ARHGEF4: variants seen among roughly 807,000 people sequenced by gnomAD.
The protein encoded by ARHGEF4 is Rho guanine nucleotide exchange factor 4.
In ARHGEF4, 119 loss-of-function variants were observed where a neutral mutation model predicts 162.0. That is an observed-to-expected ratio of 0.73 (90% confidence interval 0.63 to 0.86). The LOEUF is 0.86. Among genes scored for constraint, ARHGEF4 ranks in the 40% least tolerant of loss-of-function variants. ARHGEF4 has a pLI of 0.00. For synonymous variants in ARHGEF4, 1,014 were observed against 979.9 expected (o/e 1.03, Z -0.65); for missense variants, 2,488 against 2,456.0 (o/e 1.01, Z -0.28).
intron 1 of ARHGEF4, among the ~76,000 whole-genome samples, chr2:130,904,025 G>A (rs1301504275): frequency 1.3e-5 from 2 of 152,160 alleles, no homozygotes; most frequent in Non-Finnish European, 2.9e-5. Flanking sequence ...TTTCCTTTGG[G>A]TAGATAACCT....
intron 4 of ARHGEF4, among the ~76,000 whole-genome samples, chr2:130,994,881 A>G (rs1175643356): frequency 6.6e-6 from 1 of 152,180 alleles, no homozygotes; most frequent in Non-Finnish European, 1.5e-5. Context: ...TCTGATTTCC[A>G]TTGCTTCTGT....
chr2:130,965,317 C>T (rs1370311597), intron 4 of ARHGEF4, among the ~76,000 whole-genome samples: 1 of 152,226 alleles, frequency 6.6e-6, no homozygotes, highest in Non-Finnish European at 1.5e-5. Flanking sequence ...TTGCAGTCAG[C>T]GAGTTTGGGA....
intron 1 of ARHGEF4, among the ~76,000 whole-genome samples, chr2:130,889,213 C>T (rs1679710502): frequency 6.6e-6 from 1 of 151,926 alleles, no homozygotes; most frequent in African/African-American, 2.4e-5. Flanking sequence ...AGTGAATAAA[C>T]TCCTTTACCT....
At position 130,904,501 on chromosome 2, in the gene ARHGEF4, C is replaced by T. The variant is rs371616654; in HGVS notation, c.40-9485C>T. ...AGTTGCCACCTGAAGAGAAAAAAGA[C>T]TCCATCCATTTGATATAACAGCTAG... On this transcript the variant is annotated intron_variant, in intron 1 of 13. Transcript: ENST00000409359. Among the ~76,000 whole-genome samples the T allele has an allele frequency of 4.0e-4, 61 of 152,220 alleles. 1 individual carries two copies. In the South Asian group the frequency reaches 0.012, roughly 30 times the overall value.
intron 1 of ARHGEF4, among the ~76,000 whole-genome samples, chr2:130,902,603 AG>A (rs112261400): frequency 1.3e-5 from 2 of 151,598 alleles, no homozygotes; most frequent in Non-Finnish European, 2.9e-5. Context: ...CAAAAATGAA[AG>A]GAAAGAAAAG....
At position 130,916,519 on chromosome 2, in the gene ARHGEF4, A is replaced by T. The variant is rs1397383342; in HGVS notation, c.2573A>T (p.Glu858Val). The part of the protein sequence containing the change: ...LHHGDASAWP[E>V]FVPQAAGDRT... The stretch of plus-strand genomic sequence containing the variant: ...CACGGGGACGCCAGCGCCTGGCCCG[A>T]GTTTGTCCCGCAGGCTGCAGGCGAC... Residue 858 changes from glutamate to valine, a missense_variant, in exon 2 of 14, where the codon GAG becomes GTG. Physicochemically the swap from Glu to Val is moderately radical, Grantham distance 121 (BLOSUM62 -2). Transcript: ENST00000409359. The T allele has an allele frequency of 5.2e-6, 8 of 1,549,170 alleles. No homozygotes were observed. The African/African-American group carries it at 1.1e-4, about 21-fold the overall frequency.
chr2:131,046,258 C>T lies in ARHGEF4; in HGVS notation c.*69C>T. 6.7e-7 allele frequency: 1 copy of T among 1,485,082 alleles called. No homozygotes were observed. The highest frequency in any genetic ancestry group is 1.2e-5 in the South Asian group (1 of 80,098). 92.0% of individuals were successfully genotyped at this position (1,485,082 alleles called of 1,614,324 possible). A position where few individuals can be genotyped will look rare whatever the true frequency, so the allele number is the denominator to read the frequency against. ...GGCCCCCAGTTTTTCTTCCCCGAGG[C>T]CCACTCGGCCTGGCCTTCCTCTGCC... On this transcript the variant is annotated 3_prime_UTR_variant, in exon 14 of 14. Transcript: ENST00000409359.
chr2:130,884,778 C>A (rs1416362491), intron 1 of ARHGEF4, among the ~76,000 whole-genome samples: 1 of 152,108 alleles, frequency 6.6e-6, no homozygotes, highest in African/African-American at 2.4e-5. Flanking sequence ...CCAGGGCCAG[C>A]AGAATGTTGC....
In ARHGEF4 at chr2:130,955,486, C is replaced by T. The variant is rs546639996; in HGVS notation, c.3985+8851C>T. Reference sequence around the variant, plus strand: ...GTTTTATTTTAGTGAAGTCTATTTCCCTTCCCGTGGGGTTAAGCTTCTGAT... The same window carrying T: ...GTTTTATTTTAGTGAAGTCTATTTCTCTTCCCGTGGGGTTAAGCTTCTGAT... On this transcript the variant is annotated intron_variant, in intron 4 of 13. Coordinates refer to ENST00000409359, the MANE Select transcript of ARHGEF4 (RefSeq NM_001367493.1). 2.8e-4 allele frequency among the ~76,000 whole-genome samples: 42 copies of T among 152,150 alleles called. 1 individual carries two copies. The highest frequency in any genetic ancestry group is 9.9e-4 in the African/African-American group (41 of 41,488).
intron 1 of ARHGEF4, among the ~76,000 whole-genome samples, chr2:130,895,419 C>T (rs796902563): frequency 7.2e-5 from 11 of 152,204 alleles, no homozygotes; most frequent in African/African-American, 2.2e-4. Flanking sequence ...ACATAGGTTT[C>T]ACTTTTTTGG....
intron 4 of ARHGEF4, among the ~76,000 whole-genome samples, chr2:131,025,447 G>C (rs1366581384): frequency 6.6e-6 from 1 of 152,142 alleles, no homozygotes; most frequent in African/African-American, 2.4e-5. Flanking sequence ...GACACATGTG[G>C]AGCTTTAACT....
In ARHGEF4 at chr2:131,046,943, T is replaced by TAAC. The variant is rs902886398; in HGVS notation, c.*760_*762dup. On this transcript the variant is annotated 3_prime_UTR_variant, in exon 14 of 14. Coordinates refer to ENST00000409359, the MANE Select transcript of ARHGEF4 (RefSeq NM_001367493.1). The stretch of plus-strand genomic sequence containing the variant: ...TTTGGATTTTGGCATCTTGTTTTTC[T>TAAC]AACAACAAACAATGGAGAAAAAGAA... 1 of 152,698 alleles carries TAAC rather than the reference T, an allele frequency of 6.5e-6. No individual in the cohort carries two copies. Among genetic ancestry groups the TAAC allele is most frequent in the Non-Finnish European group, 1.5e-5 (1 of 68,042 alleles). The allele number at this position is 152,698 out of a possible 1,614,324, so 9.5% of individuals were successfully genotyped here. A position where few individuals can be genotyped will look rare whatever the true frequency, so the allele number is the denominator to read the frequency against.
At chr2:131,045,912 T>C in intron 13 of ARHGEF4, 126 bp from the exon 14 acceptor site, 1 of 1,495,872 alleles carries the variant, frequency 6.7e-7, no homozygotes, top group South Asian at 1.4e-5. Flanking sequence ...AAGTCCTGTG[T>C]GGCAAAACTG....
intron 4 of ARHGEF4, among the ~76,000 whole-genome samples, chr2:130,952,542 A>G (rs1265903037): frequency 2.0e-5 from 3 of 152,178 alleles, no homozygotes; most frequent in Non-Finnish European, 4.4e-5. Flanking sequence ...TATTCAACAT[A>G]GTGTTGGAAG....
rs77726662 is a variant in ARHGEF4, at chr2:131,025,601, T to G, written c.3986-2344T>G. ...TTCATCTGTTTCATCACCATTTATG[T>G]GTTTCTTCCATCCATCTGTTTACTC... On this transcript the variant is annotated intron_variant, in intron 4 of 13. Coordinates refer to ENST00000409359, the MANE Select transcript of ARHGEF4 (RefSeq NM_001367493.1). Among the ~76,000 whole-genome samples, 995 of 152,306 alleles carry G rather than the reference T, an allele frequency of 6.5e-3. 51 individuals are homozygous for G. The East Asian group carries it at 0.14, about 21-fold the overall frequency.
At chr2:130,903,699 C>T (rs1680646142) in intron 1 of ARHGEF4, among the ~76,000 whole-genome samples, 1 of 152,154 alleles carries the variant, frequency 6.6e-6, no homozygotes, top group African/African-American at 2.4e-5. Context: ...GCTCCTCTCC[C>T]CCAAATGTTT....
chr2:131,044,276 G>C (rs746207150), intron 11 of ARHGEF4, 23 bp from the exon 12 acceptor site: 13 of 1,609,772 alleles, frequency 8.1e-6, no homozygotes, highest in Non-Finnish European at 1.1e-5. Context: ...TCAGCAGCCA[G>C]GGCTGAGGCC....
intron 4 of ARHGEF4, among the ~76,000 whole-genome samples, chr2:130,968,888 A>C (rs981773346): frequency 1.3e-5 from 2 of 152,204 alleles, no homozygotes; most frequent in African/African-American, 2.4e-5. Flanking sequence ...ACTGCACTCC[A>C]GCCTGGGCAA....
In ARHGEF4 at chr2:130,916,804, G is replaced by A. The variant is rs943638580; in HGVS notation, c.2858G>A (p.Arg953Gln). 6.5e-6 allele frequency: 10 copies of A among 1,550,216 alleles called. No homozygotes were observed. In the East Asian group the frequency reaches 9.8e-5, roughly 15 times the overall value. ...EKSRLRQGSW[R>Q]AFLKSKDAGS... ...AGCAGGCTGCGCCAGGGTTCCTGGC[G>A]GGCGTTTCTGAAAAGCAAAGATGCC... is the stretch of plus-strand genomic sequence containing the variant. Residue 953 changes from arginine to glutamine, a missense_variant, in exon 2 of 14, where the codon CGG becomes CAG. By Grantham distance (43) the Arg-to-Gln change is conservative. Transcript: ENST00000409359.
Sources: allele counts gnomAD v4.1 joint callset (sites outside exome capture counted in the v4.1 genomes callset), GRCh38; gene constraint gnomAD v4.1.1; transcripts MANE v1.5; gene names NCBI Gene and HGNC (gene_info 2026-07-23, HGNC 2026-07-21).